DCST2: variants seen among roughly 807,000 people sequenced by gnomAD.
DCST2 encodes DC-STAMP domain containing 2.
DCST2 carries 64 observed loss-of-function variants against 81.8 expected under a neutral mutation model. The observed-to-expected ratio is 0.78, with a 90% CI of 0.64 to 0.96. The LOEUF (loss-of-function observed/expected upper bound fraction) is 0.96. Ranked by LOEUF, DCST2 falls within the 40% of genes least tolerant of loss-of-function variation. The probability of loss-of-function intolerance (pLI) is 0.00; values close to 1 mark genes in which losing one functional copy is unlikely to be tolerated. For missense variants in DCST2, 945 were observed against 1,001.4 expected (o/e 0.94, Z 0.76); for synonymous variants, 354 against 402.6 (o/e 0.88, Z 1.44).
Position 155,030,111 on chromosome 1 carries a change from G to A in DCST2, c.1150C>T (p.His384Tyr). Residue 384 changes from histidine to tyrosine, a missense_variant, in exon 7 of 15, where the codon CAC becomes TAC. Coordinates refer to ENST00000368424, the MANE Select transcript of DCST2 (RefSeq NM_144622.3). ...GLPTVLPLSA[H>Y]EARRYIPPGS... ...GGTGGGATGTAGCGCCTGGCCTCGT[G>A]AGCACTGAGCGGTAGCACTGTGGGC... The A allele has an allele frequency of 6.2e-7, 1 of 1,613,958 alleles. No individual in the cohort carries two copies.
intron 14 of DCST2, among the ~76,000 whole-genome samples, chr1:155,020,442 T>C (rs1659719486): frequency 6.6e-6 from 1 of 152,192 alleles, no homozygotes; most frequent in African/African-American, 2.4e-5. Context: ...CGATCTCGGC[T>C]CACTGCAACT....
chr1:155,029,162 C>T (rs942781653), intron 8 of DCST2, 71 bp downstream of exon 8: 22 of 1,555,090 alleles, frequency 1.4e-5, no homozygotes, highest in Admixed American at 1.8e-5. Flanking sequence ...TGGGAGCAGG[C>T]GGGGAGATCA....
At chr1:155,020,386 T>C (rs540111753) in intron 14 of DCST2, among the ~76,000 whole-genome samples, 1 of 152,302 alleles carries the variant, frequency 6.6e-6, no homozygotes, top group African/African-American at 2.4e-5. Context: ...TTTATTTATT[T>C]TGAGACAGAG....
At position 155,026,309 on chromosome 1, in the gene DCST2, C is replaced by T. The variant is rs150983219; in HGVS notation, c.1604G>A (p.Arg535Gln). 1.3e-5 allele frequency: 21 copies of T among 1,613,568 alleles called. No individual in the cohort carries two copies. In the Admixed American group the frequency reaches 2.0e-4, roughly 15 times the overall value. Reference protein sequence around the residue: ...RVICASYYPSREQERISYLYN... With the variant: ...RVICASYYPSQEQERISYLYN... ...CAGCCCCGGACCCCTCACCTGCTCC[C>T]GGGATGGGTAGTAGGAGGCACAGAT... The change falls in exon 10 of 15, where the codon CGG becomes CAG. Residue 535 changes from arginine to glutamine, a missense_variant. By Grantham distance (43) the Arg-to-Gln change is conservative. Coordinates refer to ENST00000368424, the MANE Select transcript of DCST2 (RefSeq NM_144622.3).
intron 14 of DCST2, 23 bp downstream of exon 14, chr1:155,023,094 G>T: frequency 6.2e-7 from 1 of 1,605,714 alleles, no homozygotes. Context: ...ATTCCCAGGT[G>T]CCAACTCCTG....
chr1:155,030,395 GGCCCTGCATCCCCCACGCT>G lies in DCST2; in HGVS notation c.1019+18_1019+36del. On this transcript the variant is annotated intron_variant, in intron 6 of 14. Transcript: ENST00000368424. ...CCTGCAGCCCTGGCCCTGCACCCCC[GGCCCTGCATCCCCCACGCT>G]GCCCGGCAGCCCCTCACTGGAGGTA... 6.2e-7 allele frequency: 1 copy of G among 1,606,084 alleles called. No homozygotes were observed. Among genetic ancestry groups the G allele is most frequent in the South Asian group, 1.1e-5 (1 of 90,644 alleles).
chr1:155,030,306 T>A, intron 6 of DCST2, 65 bp from the exon 7 acceptor site: 1 of 1,605,634 alleles, frequency 6.2e-7, no homozygotes, highest in Non-Finnish European at 8.5e-7. Context: ...CCACAGGGCA[T>A]CCGCGCTTCA....
At chr1:155,026,183 C>T (rs1558099484) in intron 10 of DCST2, 119 bp downstream of exon 10, 2 of 903,542 alleles carry the variant, frequency 2.2e-6, no homozygotes, top group Non-Finnish European at 3.4e-6. Flanking sequence ...GGAGTTCAAC[C>T]AGAGGAGAGC....
intron 14 of DCST2, among the ~76,000 whole-genome samples, chr1:155,020,439 G>A (rs1173305102): frequency 1.3e-5 from 2 of 152,052 alleles, no homozygotes; most frequent in Non-Finnish European, 2.9e-5. Flanking sequence ...GCACGATCTC[G>A]GCTCACTGCA....
Position 155,026,632 on chromosome 1 carries a change from G to C in DCST2, c.1426C>G (p.Leu476Val). 1 of 1,614,198 alleles carries C rather than the reference G, an allele frequency of 6.2e-7. No homozygotes were observed. ...YRDLVSAFDV[L>V]QQGNISILSR... is the part of the protein sequence containing the mutation. The stretch of plus-strand genomic sequence containing the variant: ...AAAATACTGATGTTGCCTTGCTGCA[G>C]GACATCAAATGCTGACACCAGGTCA... Residue 476 changes from leucine to valine, a missense_variant, in exon 9 of 15, where the codon CTG (leucine) becomes GTG (valine). By Grantham distance (32) the Leu-to-Val change is conservative (BLOSUM62 1). Coordinates refer to ENST00000368424, the MANE Select transcript of DCST2 (RefSeq NM_144622.3).
chr1:155,033,385 C>T (rs1571554940), intron 1 of DCST2, 49 bp downstream of exon 1: 1 of 1,601,038 alleles, frequency 6.2e-7, no homozygotes, highest in Non-Finnish European at 8.5e-7. Context: ...CTCTTCTGCC[C>T]CAGCACCAGC....
chr1:155,031,534 AC>A, intron 4 of DCST2, 39 bp downstream of exon 4: 1 of 336,948 alleles, frequency 3.0e-6, no homozygotes, highest in Non-Finnish European at 5.4e-6. Context: ...ACCCCACCCC[AC>A]ATCGGCTCCT....
In DCST2 at chr1:155,024,526, C is replaced by A. The variant is rs1221548815; in HGVS notation, c.1688G>T (p.Arg563Met). ...NLLAALHRSV[R>M]RRAADQGHRS... ...GTGGCCCTGGTCAGCCGCCCGCCGC[C>A]TCACTGATCGGTGCAGGGCAGCCAA... The change falls in exon 11 of 15, where the codon AGG becomes ATG. Residue 563 changes from arginine (R) to methionine (M), a missense_variant. Coordinates refer to ENST00000368424, the MANE Select transcript of DCST2 (RefSeq NM_144622.3). The A allele has an allele frequency of 5.0e-6, 8 of 1,609,786 alleles. No individual in the cohort carries two copies. Among genetic ancestry groups the A allele is most frequent in the Non-Finnish European group, 6.8e-6 (8 of 1,177,986 alleles).
In DCST2 at chr1:155,030,483, A is replaced by C. The variant is rs1345966088; in HGVS notation, c.968T>G (p.Leu323Arg). ...SMKLHRVREA[L>R]ALMGFTTPLL... ...AGGCGTGGTGAAGCCCATCAGAGCC[A>C]GGGCCTCTCGGACACGGTGCAGCTT... The change falls in exon 6 of 15, where the codon CTG (leucine) becomes CGG (arginine). Residue 323 changes from leucine to arginine, a missense_variant. Physicochemically the swap from Leu to Arg is moderately radical, Grantham distance 102 (BLOSUM62 -2). Coordinates refer to ENST00000368424, the MANE Select transcript of DCST2 (RefSeq NM_144622.3). 6.2e-7 allele frequency: 1 copy of C among 1,613,996 alleles called. No homozygotes were observed. The highest frequency in any genetic ancestry group is 2.2e-5 in the East Asian group (1 of 44,864).
chr1:155,030,752 C>T, intron 5 of DCST2, 107 bp from the exon 6 acceptor site: 1 of 1,209,596 alleles, frequency 8.3e-7, no homozygotes, highest in South Asian at 1.4e-5. Flanking sequence ...GCTTACAGAC[C>T]AGCTGGGAAC....
intron 14 of DCST2, among the ~76,000 whole-genome samples, chr1:155,021,752 C>T (rs1571541557): frequency 6.6e-6 from 1 of 152,088 alleles, no homozygotes; most frequent in East Asian, 1.9e-4. Flanking sequence ...ATCCCAGTCA[C>T]GCTCAGCACT....
In DCST2 at chr1:155,033,654, C is replaced by T. The variant is rs1660175317; in HGVS notation, c.48G>A (p.Glu16=). The change falls in exon 1 of 15, where the codon GAG becomes GAA. Residue 16 remains glutamate (E), a synonymous_variant. Coordinates refer to ENST00000368424, the MANE Select transcript of DCST2 (RefSeq NM_144622.3). The part of the protein sequence containing the change: ...KDVVHPLGGE[E]PSMARAVVRS... ...GAACCACAGCTCTCGCCATGCTAGGCTCCTCTCCCCCCAAGGGGTGCACAA... is the reference window on the plus strand; with the variant it reads ...GAACCACAGCTCTCGCCATGCTAGGTTCCTCTCCCCCCAAGGGGTGCACAA... 5 of 1,614,190 alleles carry T rather than the reference C, an allele frequency of 3.1e-6. No individual in the cohort carries two copies. In the Admixed American group the frequency reaches 5.0e-5, roughly 16 times the overall value.
chr1:155,020,417 T>G (rs1659718484), intron 14 of DCST2, among the ~76,000 whole-genome samples: 2 of 152,232 alleles, frequency 1.3e-5, no homozygotes, highest in African/African-American at 4.8e-5. Context: ...TCGCCCAGGC[T>G]GGAGTGCAGT....
rs201238594 is a variant in DCST2 at position 155,025,147 on chromosome 1, C to CAA, written c.1612-547_1612-546dup. On this transcript the variant is annotated intron_variant, in intron 10 of 14. Coordinates refer to ENST00000368424, the MANE Select transcript of DCST2 (RefSeq NM_144622.3). The stretch of plus-strand genomic sequence containing the variant: ...GGGCAACAAGAGCAAAATTCTGTCT[C>CAA]AAAAAAAAAAAAAAAAAAGAAAAGA... Among the ~76,000 whole-genome samples, 929 of 111,332 alleles carry CAA rather than the reference C, an allele frequency of 8.3e-3. 7 individuals carry two copies. The highest frequency in any genetic ancestry group is 0.013 in the Non-Finnish European group (695 of 54,402). The allele number at this position is 111,332 out of a possible 152,430, so 73.0% of individuals were successfully genotyped here.
Sources: allele counts gnomAD v4.1 joint callset (sites outside exome capture counted in the v4.1 genomes callset), GRCh38; gene constraint gnomAD v4.1.1; transcripts MANE v1.5; gene names NCBI Gene and HGNC (gene_info 2026-07-23, HGNC 2026-07-21).